CSNK1G3: variants seen among roughly 807,000 people sequenced by gnomAD.
CSNK1G3 encodes casein kinase I isoform gamma-3.
Under a neutral mutation model 64.3 loss-of-function variants are expected in CSNK1G3, and 23 were observed. The ratio of observed to expected loss-of-function variants is 0.36; its 90% confidence interval spans 0.26 to 0.51. The LOEUF (loss-of-function observed/expected upper bound fraction) is 0.51, where lower values mean the gene tolerates loss of function less well. CSNK1G3 is among the 20% of genes least tolerant of loss of function. The probability of loss-of-function intolerance (pLI) is 0.96; values close to 1 mark genes in which losing one functional copy is unlikely to be tolerated. For missense variants in CSNK1G3, 357 were observed against 510.5 expected (o/e 0.70, Z 2.90); for synonymous variants, 158 against 162.2 (o/e 0.97, Z 0.20).
At chr5:123,554,308 A>G (rs1784216774) in intron 3 of CSNK1G3, among the ~76,000 whole-genome samples, 1 of 152,124 alleles carries the variant, frequency 6.6e-6, no homozygotes, top group Admixed American at 6.6e-5. Flanking sequence ...ACAAAACGTG[A>G]TTAGGTTATC....
intron 2 of CSNK1G3, among the ~76,000 whole-genome samples, chr5:123,550,546 G>T (rs961007613): frequency 4.6e-5 from 7 of 152,160 alleles, no homozygotes; most frequent in African/African-American, 1.7e-4. Context: ...GTAAATAGTT[G>T]TTTCTGCTGT....
intron 6 of CSNK1G3, among the ~76,000 whole-genome samples, chr5:123,583,340 TTGTGA>T (rs769327035): frequency 1.3e-5 from 2 of 151,494 alleles, no homozygotes; most frequent in Non-Finnish European, 2.9e-5. Flanking sequence ...CACTTGTTCG[TTGTGA>T]GTATAGAAAT....
intron 10 of CSNK1G3, among the ~76,000 whole-genome samples, chr5:123,601,634 A>G (rs1019285707): frequency 6.6e-6 from 1 of 152,224 alleles, no homozygotes; most frequent in Non-Finnish European, 1.5e-5. Flanking sequence ...TACAGTGTAT[A>G]TATAGTCACT....
chr5:123,564,076 T>G (rs143814157), intron 4 of CSNK1G3, among the ~76,000 whole-genome samples: 2 of 152,066 alleles, frequency 1.3e-5, no homozygotes, highest in African/African-American at 4.8e-5. Flanking sequence ...TCTACAAGTT[T>G]TACACTGCTA....
chr5:123,569,650 C>T (rs1478596198), intron 4 of CSNK1G3, among the ~76,000 whole-genome samples: 2 of 152,142 alleles, frequency 1.3e-5, no homozygotes. Flanking sequence ...AAAATTTTTA[C>T]AAAATTCAAA....
At chr5:123,520,593 A>G (rs950287296) in intron 1 of CSNK1G3, among the ~76,000 whole-genome samples, 4 of 152,000 alleles carry the variant, frequency 2.6e-5, no homozygotes, top group Non-Finnish European at 5.9e-5. Flanking sequence ...GTGTGCCTCA[A>G]ATGTATTGAT....
intron 3 of CSNK1G3, among the ~76,000 whole-genome samples, chr5:123,556,695 T>C (rs892759113): frequency 6.6e-6 from 1 of 152,092 alleles, no homozygotes; most frequent in African/African-American, 2.4e-5. Flanking sequence ...GTTACAGTTT[T>C]CTACTTCTTG....
At chr5:123,614,845 C>T (rs911894658) in exon 13 of CSNK1G3, 1 of 153,126 alleles carries the variant, frequency 6.5e-6, no homozygotes, top group African/African-American at 2.4e-5. Context: ...CAGAGTTGCC[C>T]AAATATTTAA....
At chr5:123,567,714 A>G (rs1177852937) in intron 4 of CSNK1G3, among the ~76,000 whole-genome samples, 1 of 152,218 alleles carries the variant, frequency 6.6e-6, no homozygotes, top group East Asian at 1.9e-4. Flanking sequence ...TTATCGCCAA[A>G]GATAGTCAAA....
chr5:123,529,250 T>C (rs1779544933), intron 1 of CSNK1G3, among the ~76,000 whole-genome samples: 1 of 152,128 alleles, frequency 6.6e-6, no homozygotes, highest in South Asian at 2.1e-4. Flanking sequence ...CAAAGTTACG[T>C]ATTGATTGGT....
intron 1 of CSNK1G3, among the ~76,000 whole-genome samples, chr5:123,536,147 AT>A (rs1780760593): frequency 6.6e-6 from 1 of 152,126 alleles, no homozygotes; most frequent in Admixed American, 6.6e-5. Flanking sequence ...GTACATAAGT[AT>A]TTATATGCAT....
intron 4 of CSNK1G3, among the ~76,000 whole-genome samples, chr5:123,567,513 A>G (rs551310960): frequency 2.0e-4 from 30 of 152,150 alleles, no homozygotes; most frequent in Non-Finnish European, 3.7e-4. Context: ...AGCCTGAGGC[A>G]GGAGAATCAC....
chr5:123,591,645 G>A (rs6595463), intron 10 of CSNK1G3, among the ~76,000 whole-genome samples: 91,679 of 151,828 alleles, frequency 0.6, 28,947 homozygotes, highest in African/African-American at 0.79. Flanking sequence ...GTGATATTCT[G>A]TTAGAATGGA....
intron 1 of CSNK1G3, among the ~76,000 whole-genome samples, chr5:123,534,673 C>T (rs1289358585): frequency 1.3e-5 from 2 of 152,030 alleles, no homozygotes; most frequent in Non-Finnish European, 2.9e-5. Context: ...GAATTCTGCC[C>T]ACAGTCTGAA....
At chr5:123,542,993 G>A (rs1205487293) in intron 1 of CSNK1G3, among the ~76,000 whole-genome samples, 3 of 151,304 alleles carry the variant, frequency 2.0e-5, no homozygotes, top group South Asian at 2.1e-4. Flanking sequence ...TAGTGTTAAA[G>A]TCGTATCTTC....
intron 1 of CSNK1G3, among the ~76,000 whole-genome samples, chr5:123,513,018 A>G (rs1466868385): frequency 6.6e-6 from 1 of 151,696 alleles, no homozygotes; most frequent in Non-Finnish European, 1.5e-5. Context: ...GGCAGGAAGG[A>G]GGCATGGATA....
At chr5:123,516,508 C>G (rs2149899267) in intron 1 of CSNK1G3, among the ~76,000 whole-genome samples, 1 of 152,120 alleles carries the variant, frequency 6.6e-6, no homozygotes, top group Middle Eastern at 3.4e-3. Context: ...TATTATGAAA[C>G]CTAAGGAAAG....
At chr5:123,557,119 TA>T (rs1784797953) in intron 3 of CSNK1G3, among the ~76,000 whole-genome samples, 2 of 152,132 alleles carry the variant, frequency 1.3e-5, no homozygotes, top group South Asian at 4.1e-4. Context: ...TCCTATGACT[TA>T]ACTTTAATCT....
intron 12 of CSNK1G3, 48 bp downstream of exon 13, chr5:123,605,410 T>G: frequency 6.3e-7 from 1 of 1,592,048 alleles, no homozygotes; most frequent in Non-Finnish European, 8.6e-7. Context: ...TGACTGTAAT[T>G]TCAAAGATTT....
Sources: allele counts gnomAD v4.1 joint callset (sites outside exome capture counted in the v4.1 genomes callset), GRCh38; gene constraint gnomAD v4.1.1; transcripts MANE v1.5; gene names NCBI Gene and HGNC (gene_info 2026-07-23, HGNC 2026-07-21).